ACTL7B: variants seen among roughly 807,000 people sequenced by gnomAD.
ACTL7B encodes actin-like protein 7B.
ACTL7B carries 14 observed loss-of-function variants against 17.5 expected under a neutral mutation model. That is an observed-to-expected ratio of 0.80 (90% CI 0.53 to 1.25). The LOEUF (loss-of-function observed/expected upper bound fraction) is 1.25. ACTL7B is among the 50% of genes most tolerant of loss of function. The pLI is 0.00. For missense variants in ACTL7B, 599 were observed against 573.9 expected (o/e 1.04, Z -0.45); for synonymous variants, 267 against 252.4 (o/e 1.06, Z -0.55).
In ACTL7B at chr9:108,855,885, C is replaced by G; in HGVS notation, c.46G>C (p.Asp16His). Residue 16 changes from aspartate (D) to histidine (H), a missense_variant, in exon 1 of 1, where the codon GAC becomes CAC. Physicochemically the swap from Asp to His is moderately conservative, Grantham distance 81 (BLOSUM62 -1). Transcript: ENST00000374667. ...GGCCGTGTTCCTGCCTCTCCAGGGT[C>G]ACCCTGAGCCGTGCCCAGGGGCATG... Reference protein sequence around the residue: ...SPMPLGTAQGDPGEAGTRPGP... With the variant: ...SPMPLGTAQGHPGEAGTRPGP... 1 of 1,607,256 alleles carries G rather than the reference C, an allele frequency of 6.2e-7. No homozygotes were observed. The highest frequency in any genetic ancestry group is 1.1e-5 in the South Asian group (1 of 90,034).
chr9:108,854,718 C>A lies in ACTL7B; in HGVS notation c.1213G>T (p.Glu405Ter). Reference protein sequence around the residue: ...QLWVSKEEFEERGSVAIYSKC With the variant: ...QLWVSKEEFE The stretch of plus-strand genomic sequence containing the variant: ...CTGTAGATGGCCACGCTGCCCCGCT[C>A]CTCAAACTCTTCCTTGCTGACCCAG... Residue 405 changes from glutamate (E) to a stop codon, truncating the protein, a stop_gained, in exon 1 of 1, where the codon GAG becomes TAG. Transcript: ENST00000374667. LOFTEE classifies it high-confidence loss of function. The A allele has an allele frequency of 6.5e-7, 1 of 1,529,410 alleles. No individual in the cohort carries two copies. Among genetic ancestry groups the A allele is most frequent in the Non-Finnish European group, 8.8e-7 (1 of 1,138,156 alleles). 94.7% of individuals were successfully genotyped at this position (1,529,410 alleles called of 1,614,324 possible).
chr9:108,855,513 T>G lies in ACTL7B; in HGVS notation c.418A>C (p.Ile140Leu). ...AGCACAGCGTGCTCCTCGGGGAGGA[T>G]CTTCATGGCGGTGCGGAAGATGTAC... ...WEYIFRTAMK[I>L]LPEEHAVLVS... Residue 140 changes from isoleucine to leucine, a missense_variant, in exon 1 of 1, where the codon ATC (isoleucine) becomes CTC (leucine). Transcript: ENST00000374667. 1 of 1,613,470 alleles carries G rather than the reference T, an allele frequency of 6.2e-7. No individual in the cohort carries two copies. The highest frequency in any genetic ancestry group is 8.5e-7 in the Non-Finnish European group (1 of 1,180,004).
Position 108,855,148 on chromosome 9 carries a change from A to G in ACTL7B, c.783T>C (p.Tyr261=). ...IIEHIKKKCC[Y]AAFLPEEELG... ...GCTCCTCCTCGGGCAGGAAGGCCGC[A>G]TAGCAGCACTTCTTCTTGATGTGCT... Residue 261 remains tyrosine, a synonymous_variant, in exon 1 of 1, where the codon TAT becomes TAC. Coordinates refer to ENST00000374667, the MANE Select transcript of ACTL7B (RefSeq NM_006686.4). 6.2e-7 allele frequency: 1 copy of G among 1,611,348 alleles called. No homozygotes were observed. The highest frequency in any genetic ancestry group is 8.5e-7 in the Non-Finnish European group (1 of 1,179,252).
chr9:108,855,162 T>A lies in ACTL7B; in HGVS notation c.769A>T (p.Lys257Ter). Residue 257 changes from lysine to a stop codon, truncating the protein, a stop_gained, in exon 1 of 1, where the codon AAG (lysine) becomes TAG (stop). Coordinates refer to ENST00000374667, the MANE Select transcript of ACTL7B (RefSeq NM_006686.4). LOFTEE classifies it high-confidence loss of function. Reference protein sequence around the residue: ...DHLHIIEHIKKKCCYAAFLPE... With the variant: ...DHLHIIEHIK ...AGGAAGGCCGCATAGCAGCACTTCTTCTTGATGTGCTCTATGATGTGCAGG... is the reference window on the plus strand; with the variant it reads ...AGGAAGGCCGCATAGCAGCACTTCTACTTGATGTGCTCTATGATGTGCAGG... 2.5e-6 allele frequency: 4 copies of A among 1,610,370 alleles called. No individual in the cohort carries two copies. The highest frequency in any genetic ancestry group is 3.4e-6 in the Non-Finnish European group (4 of 1,179,394).
chr9:108,855,611 G>A lies in ACTL7B; in HGVS notation c.320C>T (p.Ala107Val), dbSNP rs758951342. Residue 107 changes from alanine to valine, a missense_variant, in exon 1 of 1, where the codon GCG becomes GTG. By Grantham distance (64) the Ala-to-Val change is moderately conservative. Coordinates refer to ENST00000374667, the MANE Select transcript of ACTL7B (RefSeq NM_006686.4). ...LVGHELLNTE[A>V]PLKLVNPLKH... ...CAGCGGGTTCACCAGCTTGAGAGGC[G>A]CCTCCGTGTTGAGCAGCTCATGGCC... 2.3e-5 allele frequency: 37 copies of A among 1,613,598 alleles called. No homozygotes were observed. Among genetic ancestry groups the A allele is most frequent in the Admixed American group, 3.3e-5 (2 of 60,014 alleles).
In ACTL7B at chr9:108,855,851, T is replaced by G; in HGVS notation, c.80A>C (p.Asp27Ala). 1 of 1,611,336 alleles carries G rather than the reference T, an allele frequency of 6.2e-7. No individual in the cohort carries two copies. Among genetic ancestry groups the G allele is most frequent in the Non-Finnish European group, 8.5e-7 (1 of 1,179,864 alleles). ...CGCACCTGTGTCCCGGAGGCTGGCG[T>G]CAGGGCCGGGCCGTGTTCCTGCCTC... The part of the protein sequence containing the change: ...PGEAGTRPGP[D>A]ASLRDTGAAT... The change falls in exon 1 of 1, where the codon GAC (aspartate) becomes GCC (alanine). Residue 27 changes from aspartate to alanine, a missense_variant. Physicochemically the swap from Asp to Ala is moderately radical, Grantham distance 126. Transcript: ENST00000374667.
In ACTL7B at chr9:108,855,201, A is replaced by C. The variant is rs1827075339; in HGVS notation, c.730T>G (p.Phe244Val). The stretch of plus-strand genomic sequence containing the variant: ...ATGATGTGCAGGTGGTCGTCCGTGA[A>C]TGCGTGGCCCGCCTCATTGAGCAGC... ...MQLLNEAGHA[F>V]TDDHLHIIEH... The change falls in exon 1 of 1, where the codon TTC becomes GTC. Residue 244 changes from phenylalanine (F) to valine (V), a missense_variant. Phe to Val is a conservative substitution (Grantham distance 50). Coordinates refer to ENST00000374667, the MANE Select transcript of ACTL7B (RefSeq NM_006686.4). The C allele has an allele frequency of 1.2e-6, 2 of 1,600,290 alleles. No individual in the cohort carries two copies. Among genetic ancestry groups the C allele is most frequent in the African/African-American group, 1.3e-5 (1 of 74,846 alleles).
rs969994335 is a variant in ACTL7B at position 108,854,614 on chromosome 9, T to C, written c.*69A>G. 38 of 1,345,970 alleles carry C rather than the reference T, an allele frequency of 2.8e-5. No individual in the cohort carries two copies. Among genetic ancestry groups the C allele is most frequent in the Non-Finnish European group, 3.3e-5 (34 of 1,039,166 alleles). 83.4% of individuals were successfully genotyped at this position (1,345,970 alleles called of 1,614,324 possible). A position where few individuals can be genotyped will look rare whatever the true frequency, so the allele number is the denominator to read the frequency against. On this transcript the variant is annotated 3_prime_UTR_variant, in exon 1 of 1. Coordinates refer to ENST00000374667, the MANE Select transcript of ACTL7B (RefSeq NM_006686.4). The stretch of plus-strand genomic sequence containing the variant: ...TTCAGAGTAAACCTTTATGTGAAAT[T>C]CTGTAAATGTGTATAGAGAGGCCTG...
rs1287286588 is a variant in ACTL7B at position 108,855,026 on chromosome 9, A to T, written c.905T>A (p.Leu302His). The change falls in exon 1 of 1, where the codon CTC becomes CAC. Residue 302 changes from leucine (L) to histidine (H), a missense_variant. Transcript: ENST00000374667. ...GCTGCCTGCCAGGGAGGGCTGGAAG[A>T]GCATCTCAGAGCAACGGAAGCGCTC... ...GQERFRCSEM[L>H]FQPSLAGSTQ... 1 of 1,522,076 alleles carries T rather than the reference A, an allele frequency of 6.6e-7. No individual in the cohort carries two copies. The highest frequency in any genetic ancestry group is 8.8e-7 in the Non-Finnish European group (1 of 1,133,382). The allele number at this position is 1,522,076 out of a possible 1,614,324, so 94.3% of individuals were successfully genotyped here.
Position 108,854,918 on chromosome 9 carries a change from T to C in ACTL7B, c.1013A>G (p.Asn338Ser). 1 of 1,516,748 alleles carries C rather than the reference T, an allele frequency of 6.6e-7. No individual in the cohort carries two copies. Among genetic ancestry groups the C allele is most frequent in the Non-Finnish European group, 8.8e-7 (1 of 1,132,578 alleles). The allele number at this position is 1,516,748 out of a possible 1,614,324, so 94.0% of individuals were successfully genotyped here. A position where few individuals can be genotyped will look rare whatever the true frequency, so the allele number is the denominator to read the frequency against. The change falls in exon 1 of 1, where the codon AAC becomes AGC. Residue 338 changes from asparagine to serine, a missense_variant. Physicochemically the swap from Asn to Ser is conservative, Grantham distance 46. Coordinates refer to ENST00000374667, the MANE Select transcript of ACTL7B (RefSeq NM_006686.4). ...AGTGCAGCCGCCACACAGTAGCACG[T>C]TGGCGGCCATCTCCTCCTTGAAGCC... ...DTGFKEEMAA[N>S]VLLCGGCTML...
chr9:108,855,887 C>T lies in ACTL7B; in HGVS notation c.44G>A (p.Gly15Asp). The T allele has an allele frequency of 6.2e-7, 1 of 1,607,116 alleles. No individual in the cohort carries two copies. Among genetic ancestry groups the T allele is most frequent in the Non-Finnish European group, 8.5e-7 (1 of 1,177,612 alleles). ...CCGTGTTCCTGCCTCTCCAGGGTCA[C>T]CCTGAGCCGTGCCCAGGGGCATGGG... Reference protein sequence around the residue: ...NSPMPLGTAQGDPGEAGTRPG... With the variant: ...NSPMPLGTAQDDPGEAGTRPG... The change falls in exon 1 of 1, where the codon GGT (glycine) becomes GAT (aspartate). Residue 15 changes from glycine to aspartate, a missense_variant. Gly to Asp is a moderately conservative substitution (Grantham distance 94). Transcript: ENST00000374667.
At position 108,854,922 on chromosome 9, in the gene ACTL7B, C is replaced by T. The variant is rs139846981; in HGVS notation, c.1009G>A (p.Ala337Thr). Residue 337 changes from alanine (A) to threonine (T), a missense_variant, in exon 1 of 1, where the codon GCC (alanine) becomes ACC (threonine). Coordinates refer to ENST00000374667, the MANE Select transcript of ACTL7B (RefSeq NM_006686.4). ...CAGCCGCCACACAGTAGCACGTTGG[C>T]GGCCATCTCCTCCTTGAAGCCCGTG... ...QDTGFKEEMAANVLLCGGCTM... is the reference protein window; with the variant it reads ...QDTGFKEEMATNVLLCGGCTM... 5.5e-5 allele frequency: 84 copies of T among 1,516,230 alleles called. No homozygotes were observed. Among genetic ancestry groups the T allele is most frequent in the South Asian group, 4.2e-4 (32 of 75,526 alleles). 93.9% of individuals were successfully genotyped at this position (1,516,230 alleles called of 1,614,324 possible).
Position 108,855,607 on chromosome 9 carries a change from A to T in ACTL7B, c.324T>A (p.Pro108=), listed in dbSNP as rs750838558. Reference sequence around the variant, plus strand: ...GCTTCAGCGGGTTCACCAGCTTGAGAGGCGCCTCCGTGTTGAGCAGCTCAT... The same window carrying T: ...GCTTCAGCGGGTTCACCAGCTTGAGTGGCGCCTCCGTGTTGAGCAGCTCAT... ...VGHELLNTEA[P]LKLVNPLKHG... The change falls in exon 1 of 1, where the codon CCT becomes CCA. Residue 108 remains proline, a synonymous_variant. Transcript: ENST00000374667. 1.2e-6 allele frequency: 2 copies of T among 1,613,636 alleles called. No homozygotes were observed. The highest frequency in any genetic ancestry group is 1.3e-5 in the African/African-American group (1 of 74,940).
Position 108,855,656 on chromosome 9 carries a change from G to A in ACTL7B, c.275C>T (p.Thr92Ile). ...ATGGCCCACTAAAGTCCACTTGCGG[G>A]TGTCGCCAGCGTCGGCCGCCTCGGG... ...RCPEAADAGD[T>I]RKWTLVGHEL... Residue 92 changes from threonine to isoleucine, a missense_variant, in exon 1 of 1, where the codon ACC (threonine) becomes ATC (isoleucine). Thr to Ile is a moderately conservative substitution (Grantham distance 89). Transcript: ENST00000374667. 6.2e-7 allele frequency: 1 copy of A among 1,613,358 alleles called. No homozygotes were observed.
chr9:108,854,823 CT>C lies in ACTL7B; in HGVS notation c.1107del (p.Val370TrpfsTer?). ...LSLLCPGDSP[A>X]VAAAPERKTS... ...GTCTTCCTCTCAGGAGCGGCAGCCA[CT>C]GCAGGGCTGTCCCCGGGGCAGAGGA... On this transcript the variant is annotated frameshift_variant, in exon 1 of 1. Coordinates refer to ENST00000374667, the MANE Select transcript of ACTL7B (RefSeq NM_006686.4). LOFTEE classifies it high-confidence loss of function. 6.2e-7 allele frequency: 1 copy of C among 1,601,808 alleles called. No individual in the cohort carries two copies. The highest frequency in any genetic ancestry group is 8.5e-7 in the Non-Finnish European group (1 of 1,173,328).
In ACTL7B at chr9:108,855,509, A is replaced by G. The variant is rs757789067; in HGVS notation, c.422T>C (p.Leu141Pro). The change falls in exon 1 of 1, where the codon CTC (leucine) becomes CCC (proline). Residue 141 changes from leucine to proline, a missense_variant. Transcript: ENST00000374667. ...EYIFRTAMKILPEEHAVLVSD... is the reference protein window; with the variant it reads ...EYIFRTAMKIPPEEHAVLVSD... The stretch of plus-strand genomic sequence containing the variant: ...GACCAGCACAGCGTGCTCCTCGGGG[A>G]GGATCTTCATGGCGGTGCGGAAGAT... 1 of 1,613,514 alleles carries G rather than the reference A, an allele frequency of 6.2e-7. No individual in the cohort carries two copies. Among genetic ancestry groups the G allele is most frequent in the South Asian group, 1.1e-5 (1 of 91,086 alleles).
Position 108,855,177 on chromosome 9 carries a change from T to G in ACTL7B, c.754A>C (p.Ile252Leu). The G allele has an allele frequency of 6.2e-7, 1 of 1,607,766 alleles. No individual in the cohort carries two copies. The highest frequency in any genetic ancestry group is 8.5e-7 in the Non-Finnish European group (1 of 1,178,948). Reference protein sequence around the residue: ...HAFTDDHLHIIEHIKKKCCYA... With the variant: ...HAFTDDHLHILEHIKKKCCYA... ...CAGCACTTCTTCTTGATGTGCTCTA[T>G]GATGTGCAGGTGGTCGTCCGTGAAT... The change falls in exon 1 of 1, where the codon ATA becomes CTA. Residue 252 changes from isoleucine (I) to leucine (L), a missense_variant. Coordinates refer to ENST00000374667, the MANE Select transcript of ACTL7B (RefSeq NM_006686.4).
Position 108,855,230 on chromosome 9 carries a change from A to C in ACTL7B, c.701T>G (p.Met234Arg). ...YAGGDLTNYL[M>R]QLLNEAGHAF... The stretch of plus-strand genomic sequence containing the variant: ...GTGGCCCGCCTCATTGAGCAGCTGC[A>C]TCAGGTAGTTGGTGAGGTCACCCCC... The change falls in exon 1 of 1, where the codon ATG becomes AGG. Residue 234 changes from methionine (M) to arginine (R), a missense_variant. Coordinates refer to ENST00000374667, the MANE Select transcript of ACTL7B (RefSeq NM_006686.4). 1.3e-6 allele frequency: 2 copies of C among 1,595,732 alleles called. No homozygotes were observed. Among genetic ancestry groups the C allele is most frequent in the East Asian group, 2.2e-5 (1 of 44,700 alleles).
At position 108,855,251 on chromosome 9, in the gene ACTL7B, C is replaced by T. The variant is rs575244865; in HGVS notation, c.680G>A (p.Gly227Asp). Reference sequence around the variant, plus strand: ...CTGCATCAGGTAGTTGGTGAGGTCACCCCCAGCGTAGTCGGCGCGGCTGGT... The same window carrying T: ...CTGCATCAGGTAGTTGGTGAGGTCATCCCCAGCGTAGTCGGCGCGGCTGGT... ...GLTSRADYAGGDLTNYLMQLL... is the reference protein window; with the variant it reads ...GLTSRADYAGDDLTNYLMQLL... The change falls in exon 1 of 1, where the codon GGT becomes GAT. Residue 227 changes from glycine to aspartate, a missense_variant. Physicochemically the swap from Gly to Asp is moderately conservative, Grantham distance 94. Coordinates refer to ENST00000374667, the MANE Select transcript of ACTL7B (RefSeq NM_006686.4). 1 of 1,595,930 alleles carries T rather than the reference C, an allele frequency of 6.3e-7. No individual in the cohort carries two copies. The highest frequency in any genetic ancestry group is 2.2e-5 in the East Asian group (1 of 44,706).
Sources: gnomAD v4.1 joint callset for allele counts on GRCh38, gnomAD v4.1.1 for gene constraint, MANE v1.5 for transcripts, NCBI Gene and HGNC (gene_info 2026-07-23, HGNC 2026-07-21) for gene names.